ARL17A: variants seen among roughly 807,000 people sequenced by gnomAD.
ARL17A encodes the protein ARF like GTPase 17A, also known as ADP-ribosylation factor-like 17-like.
chr17:46,533,788 C>T (rs2054110013), intron 4 of ARL17A, among the ~76,000 whole-genome samples: 1 of 93,704 alleles, frequency 1.1e-5, no homozygotes, highest in Non-Finnish European at 1.9e-5. Flanking sequence ...AGGCCTGAGC[C>T]ACTGCGCCCA....
chr17:46,529,435 G>A (rs1468331845), intron 4 of ARL17A, among the ~76,000 whole-genome samples: 5 of 107,888 alleles, frequency 4.6e-5, no homozygotes, highest in Non-Finnish European at 1.1e-4. Context: ...GCGATGGACT[G>A]GGAGTCAGTG....
intron 3 of ARL17A, among the ~76,000 whole-genome samples, chr17:46,568,752 C>A: frequency 1.1e-5 from 1 of 92,300 alleles, no homozygotes; most frequent in East Asian, 3.1e-4. Flanking sequence ...TTACAGTGAG[C>A]CAAGATTGTG....
At chr17:46,548,703 G>C (rs777670020), downstream of ARL17A, 1 of 1,609,204 alleles carries the variant, frequency 6.2e-7, no homozygotes, top group Admixed American at 1.7e-5. Flanking sequence ...AGAGCATCAG[G>C]AGGGAACAGG....
chr17:46,551,556 A>C (rs2056822017), downstream of ARL17A, among the ~76,000 whole-genome samples: 1 of 148,560 alleles, frequency 6.7e-6, no homozygotes, highest in South Asian at 2.1e-4. Flanking sequence ...GCATCTCTCA[A>C]AAGCCAACTC....
chr17:46,500,893 T>C, the ARL17A span, among the ~76,000 whole-genome samples: 3 of 150,996 alleles, frequency 2.0e-5, no homozygotes, highest in Non-Finnish European at 4.4e-5. Context: ...GAAATGCAAG[T>C]TCTGGGCCGG....
At chr17:46,541,406 C>T (rs1386210265) in intron 3 of ARL17A, among the ~76,000 whole-genome samples, 2 of 148,048 alleles carry the variant, frequency 1.4e-5, no homozygotes, top group Non-Finnish European at 2.9e-5. Context: ...CGCATGCCAC[C>T]ACACCTGGCT....
the ARL17A span, among the ~76,000 whole-genome samples, chr17:46,502,755 G>A: frequency 6.6e-6 from 1 of 151,288 alleles, no homozygotes; most frequent in Non-Finnish European, 1.5e-5. Context: ...GTGAAATGAA[G>A]GGAAATGGTC....
At chr17:46,534,728 G>A (rs1293371176) in intron 4 of ARL17A, among the ~76,000 whole-genome samples, 1 of 150,132 alleles carries the variant, frequency 6.7e-6, no homozygotes, top group African/African-American at 2.5e-5. Context: ...CCCAGACGGG[G>A]TGGCGGCCGG....
intron 4 of ARL17A, among the ~76,000 whole-genome samples, chr17:46,529,835 GATA>G (rs1292966694): frequency 8.0e-6 from 1 of 124,508 alleles, no homozygotes; most frequent in Non-Finnish European, 1.7e-5. Context: ...AGGAAAAGAG[GATA>G]ATATCGAATG....
chr17:46,534,128 C>T (rs2054174953), intron 4 of ARL17A, among the ~76,000 whole-genome samples: 1 of 146,146 alleles, frequency 6.8e-6, no homozygotes, highest in Admixed American at 6.7e-5. Context: ...ATGCTGTCAC[C>T]TCAGCCTCCT....
chr17:46,535,045 C>A (rs1471201498), intron 4 of ARL17A, among the ~76,000 whole-genome samples: 1 of 149,436 alleles, frequency 6.7e-6, no homozygotes, highest in Admixed American at 6.6e-5. Flanking sequence ...ACATCCCAGA[C>A]GGGCATGCCC....
In ARL17A at chr17:46,557,140, GA is replaced by G. The variant is rs1385889882; in HGVS notation, c.*215del. 1.8e-6 allele frequency: 1 copy of G among 545,810 alleles called. No homozygotes were observed. The highest frequency in any genetic ancestry group is 2.1e-5 in the African/African-American group (1 of 47,480). The allele number at this position is 545,810 out of a possible 1,614,324, so 33.8% of individuals were successfully genotyped here. ...TGCTCTTAGCACCGCCATCATTCAG[GA>G]ATTTCCAAGGGTTTTAGGAGCTTTG... On this transcript the variant is annotated 3_prime_UTR_variant, in exon 4 of 4. Coordinates refer to ENST00000336125, the MANE Select transcript of ARL17A (RefSeq NM_001113738.2).
At chr17:46,531,758 ATC>A (rs1331782045) in intron 4 of ARL17A, among the ~76,000 whole-genome samples, 1 of 74,554 alleles carries the variant, frequency 1.3e-5, no homozygotes, top group Non-Finnish European at 2.3e-5. Context: ...TGTCCCTTTC[ATC>A]TGTCTGACAT....
At chr17:46,529,386 A>T (rs1274643340) in intron 4 of ARL17A, among the ~76,000 whole-genome samples, 22 of 100,222 alleles carry the variant, frequency 2.2e-4, no homozygotes, top group African/African-American at 7.4e-4. Context: ...GGCTGAAAAA[A>T]AGCTTGCCAC....
At chr17:46,500,535 G>A in the ARL17A span, among the ~76,000 whole-genome samples, 20,946 of 136,932 alleles carry the variant, frequency 0.15, 2,227 homozygotes, top group East Asian at 0.31. Context: ...GGACTGTTTC[G>A]AGGCAGCTTT....
rs1257378605 is a variant in ARL17A at position 46,556,941 on chromosome 17, CTA to C, written c.*413_*414del. 1 of 116,536 alleles carries C rather than the reference CTA, an allele frequency of 8.6e-6. No individual in the cohort carries two copies. Among genetic ancestry groups the C allele is most frequent in the Admixed American group, 8.4e-5 (1 of 11,974 alleles). The allele number at this position is 116,536 out of a possible 1,614,324, so 7.2% of individuals were successfully genotyped here. A position where few individuals can be genotyped will look rare whatever the true frequency, so the allele number is the denominator to read the frequency against. ...GGAGGAGGGAGAGGAGCAGAAAAAA[CTA>C]TTGGGTACTAGGCTTGGTACCTGGG... On this transcript the variant is annotated 3_prime_UTR_variant, in exon 4 of 4. Transcript: ENST00000336125.
intron 3 of ARL17A, among the ~76,000 whole-genome samples, chr17:46,543,722 T>G (rs191428891): frequency 1.3e-5 from 2 of 151,076 alleles, no homozygotes; most frequent in African/African-American, 5.0e-5. Flanking sequence ...TGATTCCAGA[T>G]GAAAGTTATA....
At chr17:46,502,886 G>A in the ARL17A span, among the ~76,000 whole-genome samples, 3 of 150,762 alleles carry the variant, frequency 2.0e-5, 1 homozygote, top group African/African-American at 5.0e-5. Context: ...CATGTTACAG[G>A]CTGGTCTCCG....
chr17:46,533,074 G>T (rs1209088943), intron 4 of ARL17A, among the ~76,000 whole-genome samples: 13 of 121,376 alleles, frequency 1.1e-4, no homozygotes, highest in African/African-American at 4.8e-4. Flanking sequence ...CTGCACTCCA[G>T]CCTGGGAAAC....
Sources: gnomAD v4.1 joint callset for allele counts (sites outside exome capture counted in the v4.1 genomes callset) on GRCh38, gnomAD v4.1.1 for gene constraint, MANE v1.5 for transcripts, NCBI Gene and HGNC (gene_info 2026-07-23, HGNC 2026-07-21) for gene names.